Variants in DPYSL4 observed in about 807,000 individuals in gnomAD.
DPYSL4 encodes dihydropyrimidinase-related protein 4.
Under a neutral mutation model 63.4 loss-of-function variants are expected in DPYSL4, and 43 were observed. The observed-to-expected ratio is 0.68, with a 90% CI of 0.53 to 0.88. The LOEUF (loss-of-function observed/expected upper bound fraction) is 0.88, where lower values mean the gene tolerates loss of function less well. Ranked by LOEUF, DPYSL4 falls within the 40% of genes least tolerant of loss-of-function variation. The pLI is 0.00. For synonymous variants in DPYSL4, 353 were observed against 331.7 expected, an observed-to-expected ratio of 1.06 and a Z score of -0.70; for missense variants, 733 against 819.5, an observed-to-expected ratio of 0.89 and a Z score of 1.29.
chr10:132,201,091 G>C, intron 10 of DPYSL4, 108 bp downstream of exon 10: 6 of 1,461,762 alleles, frequency 4.1e-6, no homozygotes, highest in Non-Finnish European at 5.5e-6. Context: ...TCGTGAAACA[G>C]ATCAGAGCAC....
At chr10:132,194,472 C>G (rs1255095764) in intron 3 of DPYSL4, among the ~76,000 whole-genome samples, 1 of 152,222 alleles carries the variant, frequency 6.6e-6, no homozygotes, top group Non-Finnish European at 1.5e-5. Context: ...GCGCACTGGC[C>G]CAGCCTGGCC....
chr10:132,204,866 G>A lies in DPYSL4; in HGVS notation c.1655G>A (p.Arg552Gln), dbSNP rs368276800. The part of the protein sequence containing the change: ...SGSQADDHIA[R>Q]RTAQKIMAPP... ...TCTCAGGCTGATGACCACATCGCCCGACGCACAGCACAGAAGATCATGGCA... is the reference window on the plus strand; with the variant it reads ...TCTCAGGCTGATGACCACATCGCCCAACGCACAGCACAGAAGATCATGGCA... The change falls in exon 14 of 14, where the codon CGA (arginine) becomes CAA (glutamine). Residue 552 changes from arginine (R) to glutamine (Q), a missense_variant. Transcript: ENST00000338492. 47 of 1,612,378 alleles carry A rather than the reference G, an allele frequency of 2.9e-5. No homozygotes were observed. The highest frequency in any genetic ancestry group is 5.3e-5 in the African/African-American group (4 of 74,850).
chr10:132,199,407 C>CG (rs1049906083), intron 8 of DPYSL4, among the ~76,000 whole-genome samples: 52 of 152,086 alleles, frequency 3.4e-4, no homozygotes, highest in Non-Finnish European at 4.7e-4. Context: ...CAGGCCTGGG[C>CG]GGGGGGGTGC....
At chr10:132,198,105 G>A (rs1418169624) in intron 6 of DPYSL4, among the ~76,000 whole-genome samples, 2 of 152,226 alleles carry the variant, frequency 1.3e-5, no homozygotes, top group Non-Finnish European at 2.9e-5. Flanking sequence ...TGCCCCCGCT[G>A]GGGGAGGCAG....
intron 2 of DPYSL4, 53 bp from the exon 3 acceptor site, chr10:132,192,605 T>C: frequency 6.5e-7 from 1 of 1,535,858 alleles, no homozygotes; most frequent in Admixed American, 2.0e-5. Flanking sequence ...TGGGAGCCCA[T>C]CTGGGCTCTG....
Position 132,186,994 on chromosome 10 carries a change from T to TCCGGGCCCCCC in DPYSL4, c.-68_-67insGGGCCCCCCCC. On this transcript the variant is annotated 5_prime_UTR_variant, in exon 1 of 14. Transcript: ENST00000338492. The stretch of plus-strand genomic sequence containing the variant: ...CCACGCACGCGTCCCGGCTCACGCG[T>TCCGGGCCCCCC]CCCCCCGCCCGCCCGCCCGCCCGCC... The TCCGGGCCCCCC allele has an allele frequency of 9.2e-6, 2 of 217,372 alleles. 1 individual carries two copies. The highest frequency in any genetic ancestry group is 1.8e-5 in the Non-Finnish European group (2 of 109,622). 13.5% of individuals were successfully genotyped at this position (217,372 alleles called of 1,614,324 possible). A position where few individuals can be genotyped will look rare whatever the true frequency, so the allele number is the denominator to read the frequency against.
intron 4 of DPYSL4, among the ~76,000 whole-genome samples, chr10:132,196,355 C>T (rs1039621318): frequency 2.0e-5 from 3 of 152,234 alleles, no homozygotes; most frequent in African/African-American, 7.2e-5. Flanking sequence ...GGGCCCAGCC[C>T]TGAGATCTGG....
Position 132,202,844 on chromosome 10 carries a change from G to C in DPYSL4, c.1461+19G>C. On this transcript the variant is annotated intron_variant, in intron 12 of 13. Transcript: ENST00000338492. ...CAACAGGGTAGGGCGGCACCCGCAA[G>C]GGTGTTGTGCAGGTAGGCAGGTGGG... is the stretch of plus-strand genomic sequence containing the variant. The C allele has an allele frequency of 6.4e-7, 1 of 1,571,232 alleles. No individual in the cohort carries two copies. The highest frequency in any genetic ancestry group is 8.6e-7 in the Non-Finnish European group (1 of 1,157,092).
chr10:132,201,816 G>C, intron 10 of DPYSL4, 130 bp from the exon 11 acceptor site: 1 of 1,008,698 alleles, frequency 9.9e-7, no homozygotes, highest in Non-Finnish European at 1.4e-6. Flanking sequence ...GTGGTCCAGC[G>C]TCTGTCCTCA....
Position 132,198,609 on chromosome 10 carries a change from G to A in DPYSL4, c.690+126G>A. The A allele has an allele frequency of 2.7e-6, 3 of 1,113,830 alleles. No homozygotes were observed. In the South Asian group the frequency reaches 4.6e-5, roughly 17 times the overall value. 69.0% of individuals were successfully genotyped at this position (1,113,830 alleles called of 1,614,324 possible). On this transcript the variant is annotated intron_variant, in intron 7 of 13. Coordinates refer to ENST00000338492, the MANE Select transcript of DPYSL4 (RefSeq NM_006426.3). The stretch of plus-strand genomic sequence containing the variant: ...CTGTGCTCGCCCCGACCTCATCTGG[G>A]AGGCGTGAATCCTCCCCGTGCCAGG...
At chr10:132,198,250 C>T (rs961603028) in intron 6 of DPYSL4, among the ~76,000 whole-genome samples, 165 bp from the exon 7 acceptor site, 1 of 152,178 alleles carries the variant, frequency 6.6e-6, no homozygotes. Context: ...CACACCTCTC[C>T]AAGCCCCTCT....
chr10:132,201,126 C>T, intron 10 of DPYSL4, 143 bp downstream of exon 10: 13 of 1,252,420 alleles, frequency 1.0e-5, no homozygotes, highest in Non-Finnish European at 1.4e-5. Context: ...GGCGGATTCC[C>T]CACCCAGGGC....
intron 4 of DPYSL4, 44 bp from the exon 5 acceptor site, chr10:132,196,817 C>CT: frequency 6.2e-7 from 1 of 1,608,700 alleles, no homozygotes; most frequent in Non-Finnish European, 8.5e-7. Flanking sequence ...CGTAGGTTGT[C>CT]TGACTGGTGA....
chr10:132,201,081 T>C, intron 10 of DPYSL4, 98 bp downstream of exon 10: 1 of 1,493,048 alleles, frequency 6.7e-7, no homozygotes, highest in South Asian at 1.3e-5. Flanking sequence ...CAGTGCACAC[T>C]CGTGAAACAG....
chr10:132,190,276 C>T (rs996197712), intron 1 of DPYSL4, among the ~76,000 whole-genome samples: 5 of 152,372 alleles, frequency 3.3e-5, no homozygotes, highest in Non-Finnish European at 5.9e-5. Context: ...CTGGCACCAT[C>T]ACTGGTCTGT....
rs1590105400 is a variant in DPYSL4 at position 132,202,084 on chromosome 10, A to C, written c.1249A>C (p.Thr417Pro). 1 of 1,612,998 alleles carries C rather than the reference A, an allele frequency of 6.2e-7. No homozygotes were observed. Among genetic ancestry groups the C allele is most frequent in the Non-Finnish European group, 8.5e-7 (1 of 1,179,876 alleles). The change falls in exon 11 of 14, where the codon ACC (threonine) becomes CCC (proline). Residue 417 changes from threonine (T) to proline (P), a missense_variant. Transcript: ENST00000338492. ...CCTGGTCATATGGAACCCCAAGGCCACCAAGATCATCTCTGCCAAGACCCA... is the reference window on the plus strand; with the variant it reads ...CCTGGTCATATGGAACCCCAAGGCCCCCAAGATCATCTCTGCCAAGACCCA... ...ADLVIWNPKA[T>P]KIISAKTHNL...
intron 12 of DPYSL4, 66 bp from the exon 13 acceptor site, chr10:132,203,696 C>G: frequency 7.1e-7 from 1 of 1,399,252 alleles, no homozygotes; most frequent in South Asian, 1.4e-5. Context: ...CATGCCCCAT[C>G]TCTGGCCCCA....
At chr10:132,203,160 G>A (rs2062042643) in intron 12 of DPYSL4, among the ~76,000 whole-genome samples, 1 of 152,234 alleles carries the variant, frequency 6.6e-6, no homozygotes, top group African/African-American at 2.4e-5. Context: ...CACGGGAGCT[G>A]CCCAGTTGGA....
In DPYSL4 at chr10:132,187,152, G is replaced by A. The variant is rs1200979121; in HGVS notation, c.39+50G>A. 2.8e-6 allele frequency: 4 copies of A among 1,431,270 alleles called. No homozygotes were observed. The South Asian group carries it at 3.8e-5, about 14-fold the overall frequency. The allele number at this position is 1,431,270 out of a possible 1,614,324, so 88.7% of individuals were successfully genotyped here. A position where few individuals can be genotyped will look rare whatever the true frequency, so the allele number is the denominator to read the frequency against. On this transcript the variant is annotated intron_variant, in intron 1 of 13. Transcript: ENST00000338492. The stretch of plus-strand genomic sequence containing the variant: ...GCGCCCCCTGCCCGCCGCCCGGAGT[G>A]GGGCCTGGACGCCGGGCGGACCCTC...
Sources: allele counts gnomAD v4.1 joint callset (sites outside exome capture counted in the v4.1 genomes callset), GRCh38; gene constraint gnomAD v4.1.1; transcripts MANE v1.5; gene names NCBI Gene and HGNC (gene_info 2026-07-23, HGNC 2026-07-21).